ADCK1: variants seen among roughly 807,000 people sequenced by gnomAD.
ADCK1 encodes aarF domain-containing protein kinase 1.
In ADCK1, 41 loss-of-function variants were observed where a neutral mutation model predicts 52.3. The observed-to-expected ratio is 0.78, with a 90% confidence interval of 0.61 to 1.02. The LOEUF (loss-of-function observed/expected upper bound fraction) is 1.02, where lower values mean the gene tolerates loss of function less well. Among genes scored for constraint, ADCK1 ranks in the 50% least tolerant of loss-of-function variants. The pLI is 0.00. For missense variants in ADCK1, 658 were observed against 679.5 expected, an observed-to-expected ratio of 0.97 and a Z score of 0.35; for synonymous variants, 250 against 274.6, an observed-to-expected ratio of 0.91 and a Z score of 0.89.
At chr14:77,893,741 T>TCC (rs2083333367) in intron 5 of ADCK1, among the ~76,000 whole-genome samples, 1 of 33,378 alleles carries the variant, frequency 3.0e-5, no homozygotes, top group African/African-American at 1.2e-4. Flanking sequence ...TCCTTCCTTT[T>TCC]TTTTTTTTTT....
At chr14:77,861,645 T>C (rs1320959765) in intron 4 of ADCK1, among the ~76,000 whole-genome samples, 1 of 152,130 alleles carries the variant, frequency 6.6e-6, no homozygotes, top group African/African-American at 2.4e-5. Context: ...TCGGATAGGC[T>C]TTGAGGTTAC....
intron 6 of ADCK1, among the ~76,000 whole-genome samples, chr14:77,906,847 T>A (rs2083678225): frequency 6.6e-6 from 1 of 152,166 alleles, no homozygotes; most frequent in South Asian, 2.1e-4. Flanking sequence ...AGGTTTCCAT[T>A]TTTGTTCATA....
At chr14:77,855,537 A>G (rs938065769) in intron 3 of ADCK1, among the ~76,000 whole-genome samples, 7 of 152,204 alleles carry the variant, frequency 4.6e-5, no homozygotes, top group African/African-American at 1.7e-4. Flanking sequence ...CTCTGTTAAT[A>G]TGTTTACAAA....
At chr14:77,864,939 C>T (rs1037245167) in intron 4 of ADCK1, among the ~76,000 whole-genome samples, 1 of 152,138 alleles carries the variant, frequency 6.6e-6, no homozygotes, top group Non-Finnish European at 1.5e-5. Flanking sequence ...GCATGAGGCC[C>T]ACTCATGCTA....
At chr14:77,845,795 C>T (rs895262268) in intron 3 of ADCK1, among the ~76,000 whole-genome samples, 4 of 152,194 alleles carry the variant, frequency 2.6e-5, no homozygotes, top group African/African-American at 9.6e-5. Context: ...TCATCCCCTG[C>T]TCACTCCCTC....
chr14:77,845,018 C>G (rs2082148217), intron 3 of ADCK1, among the ~76,000 whole-genome samples: 1 of 152,230 alleles, frequency 6.6e-6, no homozygotes, highest in East Asian at 1.9e-4. Flanking sequence ...CCTGACCCTG[C>G]TCAACTTCTC....
At chr14:77,848,290 A>G (rs1274973322) in intron 3 of ADCK1, among the ~76,000 whole-genome samples, 1 of 152,156 alleles carries the variant, frequency 6.6e-6, no homozygotes, top group South Asian at 2.1e-4. Flanking sequence ...ATTAGAGGGC[A>G]ATGTTTCAAA....
chr14:77,810,357 T>C (rs1386970572), intron 1 of ADCK1, among the ~76,000 whole-genome samples: 3 of 152,070 alleles, frequency 2.0e-5, no homozygotes, highest in Non-Finnish European at 4.4e-5. Flanking sequence ...TCAAGCAACC[T>C]TCCCACCTTG....
chr14:77,868,107 T>C (rs2082701464), intron 4 of ADCK1, among the ~76,000 whole-genome samples: 1 of 152,242 alleles, frequency 6.6e-6, no homozygotes, highest in South Asian at 2.1e-4. Context: ...CTTCTGTTGT[T>C]CAGTGGCAAG....
At chr14:77,873,549 G>T (rs768152248) in intron 4 of ADCK1, among the ~76,000 whole-genome samples, 17 of 152,260 alleles carry the variant, frequency 1.1e-4, no homozygotes, top group Non-Finnish European at 2.4e-4. Context: ...GTGTTTGAAT[G>T]TGTGCACTTG....
intron 1 of ADCK1, among the ~76,000 whole-genome samples, chr14:77,801,801 G>A (rs1211694345): frequency 6.6e-6 from 1 of 152,134 alleles, no homozygotes; most frequent in Non-Finnish European, 1.5e-5. Flanking sequence ...AATTACCTGG[G>A]CGTAGTGGTG....
chr14:77,885,271 G>A (rs1290236529), intron 4 of ADCK1, among the ~76,000 whole-genome samples: 4 of 152,228 alleles, frequency 2.6e-5, no homozygotes, highest in African/African-American at 9.6e-5. Flanking sequence ...GCTATTGGGA[G>A]TCTAGAATTC....
rs2084387384 is a variant in ADCK1, at chr14:77,933,420, G to A, written c.*29G>A. ...GAATTGCTCTCCCTGCCCCATTCTG[G>A]TGTCTTTCCACTCCTCAGCCCCTCA... On this transcript the variant is annotated 3_prime_UTR_variant, in exon 11 of 11. Coordinates refer to ENST00000238561, the MANE Select transcript of ADCK1 (RefSeq NM_020421.4). 3 of 1,609,222 alleles carry A rather than the reference G, an allele frequency of 1.9e-6. No individual in the cohort carries two copies. The highest frequency in any genetic ancestry group is 2.5e-6 in the Non-Finnish European group (3 of 1,176,588).
chr14:77,857,338 G>A (rs947758075), intron 3 of ADCK1, among the ~76,000 whole-genome samples: 2 of 152,110 alleles, frequency 1.3e-5, no homozygotes, highest in African/African-American at 2.4e-5. Context: ...AATTTATGGG[G>A]TACATGGGAA....
rs778486748 is a variant in ADCK1 at position 77,924,479 on chromosome 14, T to C, written c.881T>C (p.Met294Thr). The change falls in exon 8 of 11, where the codon ATG becomes ACG. Residue 294 changes from methionine to threonine, a missense_variant. Coordinates refer to ENST00000238561, the MANE Select transcript of ADCK1 (RefSeq NM_020421.4). The stretch of plus-strand genomic sequence containing the variant: ...CAGATCTCACGCCACCTGGGCAAGA[T>C]GTATAGTGAGATGATCTTCGTCAAT... Reference protein sequence around the residue: ...VNEISRHLGKMYSEMIFVNGF... With the variant: ...VNEISRHLGKTYSEMIFVNGF... 5.0e-6 allele frequency: 8 copies of C among 1,613,980 alleles called. No individual in the cohort carries two copies. The highest frequency in any genetic ancestry group is 5.1e-6 in the Non-Finnish European group (6 of 1,180,034).
At chr14:77,899,079 G>C in intron 5 of ADCK1, 21 bp from the exon 6 acceptor site, 2 of 1,612,754 alleles carry the variant, frequency 1.2e-6, no homozygotes, top group Non-Finnish European at 1.7e-6. Flanking sequence ...CCAAATGACT[G>C]GGGTGCTTGT....
chr14:77,883,193 C>T (rs1052253353), intron 4 of ADCK1, among the ~76,000 whole-genome samples: 3 of 152,016 alleles, frequency 2.0e-5, no homozygotes, highest in African/African-American at 7.3e-5. Context: ...ACTGATTTTG[C>T]CGCTAGACCC....
intron 3 of ADCK1, among the ~76,000 whole-genome samples, chr14:77,827,480 T>G (rs1359084640): frequency 6.6e-6 from 1 of 151,930 alleles, no homozygotes; most frequent in Non-Finnish European, 1.5e-5. Context: ...CAAGGTGGTT[T>G]GAGTTAAGTT....
Position 77,933,236 on chromosome 14 carries a change from A to G in ADCK1, c.1417A>G (p.Thr473Ala), listed in dbSNP as rs1333121193. The change falls in exon 11 of 11, where the codon ACC becomes GCC. Residue 473 changes from threonine (T) to alanine (A), a missense_variant. Thr to Ala is a moderately conservative substitution (Grantham distance 58). Coordinates refer to ENST00000238561, the MANE Select transcript of ADCK1 (RefSeq NM_020421.4). ...TTTTTCCAGGCACAAGAAGAAGAAT[A>G]CCTGTTCATTCTTCAGAAGGACCCA... ...RALAEHKKKNTCSFFRRTQIS... is the reference protein window; with the variant it reads ...RALAEHKKKNACSFFRRTQIS... The G allele has an allele frequency of 6.2e-7, 1 of 1,613,820 alleles. No individual in the cohort carries two copies. Among genetic ancestry groups the G allele is most frequent in the South Asian group, 1.1e-5 (1 of 91,060 alleles).
Sources: gnomAD v4.1 joint callset for allele counts (sites outside exome capture counted in the v4.1 genomes callset) on GRCh38, gnomAD v4.1.1 for gene constraint, MANE v1.5 for transcripts, NCBI Gene and HGNC (gene_info 2026-07-23, HGNC 2026-07-21) for gene names.